CEBPZ: variants seen among roughly 807,000 people sequenced by gnomAD.
The protein encoded by CEBPZ is CCAAT/enhancer-binding protein zeta.
Under a neutral mutation model 104.5 loss-of-function variants are expected in CEBPZ, and 78 were observed. That is an observed-to-expected ratio of 0.75 (90% confidence interval 0.62 to 0.90). The LOEUF is 0.90. Ranked by LOEUF, CEBPZ falls within the 40% of genes least tolerant of loss-of-function variation. The pLI is 0.00. For missense variants in CEBPZ, 1,439 were observed against 1,233.5 expected (o/e 1.17, Z -2.50); for synonymous variants, 470 against 427.0 (o/e 1.10, Z -1.24).
intron 2 of CEBPZ, among the ~76,000 whole-genome samples, chr2:37,226,356 C>T (rs961074329): frequency 1.3e-5 from 2 of 152,124 alleles, no homozygotes; most frequent in African/African-American, 2.4e-5. Context: ...TAAGGATAGC[C>T]GCCAACATTT....
At chr2:37,220,240 C>T in intron 5 of CEBPZ, 145 bp downstream of exon 5, 1 of 232,762 alleles carries the variant, frequency 4.3e-6, no homozygotes. Flanking sequence ...TGGCTTGAAC[C>T]CGGAAGGCGG....
At position 37,228,162 on chromosome 2, in the gene CEBPZ, GC is replaced by G; in HGVS notation, c.1030del (p.Ala344LeufsTer7). On this transcript the variant is annotated frameshift_variant, in exon 2 of 16. Transcript: ENST00000234170. LOFTEE classifies it high-confidence loss of function. ...YFEHQLKHLV[A>X]EFVQVLETLS... The stretch of plus-strand genomic sequence containing the variant: ...AGTTTCTAAGACCTGCACAAATTCA[GC>G]CACTAAGTGTTTCAGCTGGTGTTCA... 2 of 1,614,182 alleles carry G rather than the reference GC, an allele frequency of 1.2e-6. No individual in the cohort carries two copies. The highest frequency in any genetic ancestry group is 1.7e-6 in the Non-Finnish European group (2 of 1,180,034).
chr2:37,215,007 CTCAA>C, intron 8 of CEBPZ, 55 bp from the exon 9 acceptor site: 1 of 1,139,524 alleles, frequency 8.8e-7, no homozygotes, highest in South Asian at 1.3e-5. Flanking sequence ...CTTTATGTTA[CTCAA>C]GCTCTTAAGA....
At chr2:37,224,940 G>A (rs1238438830) in intron 2 of CEBPZ, among the ~76,000 whole-genome samples, 1 of 152,074 alleles carries the variant, frequency 6.6e-6, no homozygotes, top group Admixed American at 6.5e-5. Flanking sequence ...ATGTTAAATA[G>A]AGACAGAAAA....
intron 13 of CEBPZ, among the ~76,000 whole-genome samples, chr2:37,207,178 TAGAC>T (rs949381888): frequency 3.3e-5 from 5 of 152,108 alleles, no homozygotes; most frequent in Admixed American, 6.6e-5. Flanking sequence ...CCTAAGAAAT[TAGAC>T]AGATGGCAAC....
At chr2:37,206,841 G>C (rs1468395543) in intron 13 of CEBPZ, among the ~76,000 whole-genome samples, 1 of 152,136 alleles carries the variant, frequency 6.6e-6, no homozygotes, top group Non-Finnish European at 1.5e-5. Context: ...GGATGTAAAT[G>C]GCCTAAATGC....
intron 2 of CEBPZ, among the ~76,000 whole-genome samples, chr2:37,225,312 TCA>T (rs1664859514): frequency 6.6e-6 from 1 of 152,178 alleles, no homozygotes; most frequent in Non-Finnish European, 1.5e-5. Context: ...TTATTGTATC[TCA>T]CAGTGTGGGG....
rs1290992837 is a variant in CEBPZ at position 37,223,213 on chromosome 2, A to C, written c.1838T>G (p.Leu613Arg). 1 of 1,614,134 alleles carries C rather than the reference A, an allele frequency of 6.2e-7. No individual in the cohort carries two copies. Among genetic ancestry groups the C allele is most frequent in the Non-Finnish European group, 8.5e-7 (1 of 1,180,016 alleles). ...CGALYLVSEILKAKPGLRSQL... is the reference protein window; with the variant it reads ...CGALYLVSEIRKAKPGLRSQL... ...GCTTCTTAAACCTGGTTTTGCTTTA[A>C]GGATCTCAGACACAAGATATAAAGC... The change falls in exon 3 of 16, where the codon CTT (leucine) becomes CGT (arginine). Residue 613 changes from leucine to arginine, a missense_variant. Physicochemically the swap from Leu to Arg is moderately radical, Grantham distance 102. Transcript: ENST00000234170.
intron 2 of CEBPZ, 147 bp downstream of exon 2, chr2:37,227,397 T>A (rs1022369725): frequency 3.4e-6 from 2 of 588,316 alleles, no homozygotes; most frequent in African/African-American, 3.8e-5. Flanking sequence ...ATTAAGTGAC[T>A]TACTTGAAGG....
intron 9 of CEBPZ, among the ~76,000 whole-genome samples, chr2:37,214,669 C>G (rs764951533): frequency 3.9e-5 from 6 of 152,082 alleles, no homozygotes; most frequent in Admixed American, 3.9e-4. Flanking sequence ...TTAACAAACA[C>G]AGACATATCC....
Position 37,210,924 on chromosome 2 carries a change from G to A in CEBPZ, c.2884+75C>T. ...AATTTTATTAATCAAATTTAGGAGAGTTCATTTCCCAAAATGATAATGACA... is the reference window on the plus strand; with the variant it reads ...AATTTTATTAATCAAATTTAGGAGAATTCATTTCCCAAAATGATAATGACA... On this transcript the variant is annotated intron_variant, in intron 13 of 15. Transcript: ENST00000234170. The A allele has an allele frequency of 3.0e-6, 3 of 1,006,664 alleles. No individual in the cohort carries two copies. The South Asian group carries it at 4.9e-5, about 16-fold the overall frequency. The allele number at this position is 1,006,664 out of a possible 1,614,324, so 62.4% of individuals were successfully genotyped here.
intron 2 of CEBPZ, 67 bp from the exon 3 acceptor site, chr2:37,223,468 T>C: frequency 7.5e-7 from 1 of 1,329,478 alleles, no homozygotes; most frequent in Non-Finnish European, 1.1e-6. Flanking sequence ...GGTCACATAT[T>C]AGAAATAGCT....
chr2:37,223,459 G>T (rs1391792550), intron 2 of CEBPZ, 58 bp from the exon 3 acceptor site: 19 of 1,440,126 alleles, frequency 1.3e-5, no homozygotes, highest in Non-Finnish European at 1.8e-5. Flanking sequence ...ACAACCAATG[G>T]TCACATATTA....
chr2:37,211,960 T>C lies in CEBPZ; in HGVS notation c.2683A>G (p.Asn895Asp), dbSNP rs1447497101. 1 of 1,613,742 alleles carries C rather than the reference T, an allele frequency of 6.2e-7. No individual in the cohort carries two copies. The highest frequency in any genetic ancestry group is 1.7e-5 in the Admixed American group (1 of 59,944). ...DSEGSDDELG[N>D]LDDDEVSLGS... ...AAAGAAACTTCATCGTCATCCAGGTTACCAAGTTCATCATCACTACCTTCT... is the reference window on the plus strand; with the variant it reads ...AAAGAAACTTCATCGTCATCCAGGTCACCAAGTTCATCATCACTACCTTCT... The change falls in exon 12 of 16, where the codon AAC (asparagine) becomes GAC (aspartate). Residue 895 changes from asparagine (N) to aspartate (D), a missense_variant. Asn to Asp is a conservative substitution (Grantham distance 23, BLOSUM62 1). Coordinates refer to ENST00000234170, the MANE Select transcript of CEBPZ (RefSeq NM_005760.3).
intron 13 of CEBPZ, 112 bp from the exon 14 acceptor site, chr2:37,203,120 A>G (rs1249299457): frequency 6.1e-6 from 4 of 660,410 alleles, no homozygotes; most frequent in Non-Finnish European, 9.7e-6. Context: ...AACAATTGCA[A>G]TAATCTTCTG....
chr2:37,207,620 C>G (rs1677582494), intron 13 of CEBPZ, among the ~76,000 whole-genome samples: 1 of 152,156 alleles, frequency 6.6e-6, no homozygotes, highest in South Asian at 2.1e-4. Flanking sequence ...AGTGACACAA[C>G]CCATCAAAAC....
In CEBPZ at chr2:37,230,501, G is replaced by A. The variant is rs546669119; in HGVS notation, c.156+911C>T. On this transcript the variant is annotated intron_variant, in intron 1 of 15. Coordinates refer to ENST00000234170, the MANE Select transcript of CEBPZ (RefSeq NM_005760.3). ...CTATTCAAAACTTAAATATACACAA[G>A]CACAGAGCAAACTGTGAATCTGCCT... Among the ~76,000 whole-genome samples the A allele has an allele frequency of 2.0e-5, 3 of 152,196 alleles. No individual in the cohort carries two copies. The South Asian group carries it at 6.2e-4, about 32-fold the overall frequency.
At chr2:37,202,522 G>C in intron 15 of CEBPZ, 3 of 280,928 alleles carry the variant, frequency 1.1e-5, no homozygotes, top group Non-Finnish European at 2.0e-5. Context: ...GTGCATGCCT[G>C]TAATCCCAGC....
chr2:37,207,823 C>T (rs1205847280), intron 13 of CEBPZ, among the ~76,000 whole-genome samples: 1 of 151,940 alleles, frequency 6.6e-6, no homozygotes, highest in Non-Finnish European at 1.5e-5. Context: ...CTAAATAAAA[C>T]TGAAGCAAAC....
Sources: gnomAD v4.1 joint callset for allele counts (sites outside exome capture counted in the v4.1 genomes callset) on GRCh38, gnomAD v4.1.1 for gene constraint, MANE v1.5 for transcripts, NCBI Gene and HGNC (gene_info 2026-07-23, HGNC 2026-07-21) for gene names.